ENPP3: variants seen among roughly 807,000 people sequenced by gnomAD.
ENPP3 encodes the protein ectonucleotide pyrophosphatase/phosphodiesterase family member 3.
Under a neutral mutation model 117.8 loss-of-function variants are expected in ENPP3, and 104 were observed. The ratio of observed to expected loss-of-function variants is 0.88; its 90% confidence interval spans 0.75 to 1.04. The LOEUF (loss-of-function observed/expected upper bound fraction) is 1.04, where lower values mean the gene tolerates loss of function less well. Ranked by LOEUF, ENPP3 falls within the 50% of genes least tolerant of loss-of-function variation. The probability of loss-of-function intolerance (pLI) is 0.00; values close to 1 mark genes in which losing one functional copy is unlikely to be tolerated. For synonymous variants in ENPP3, 380 were observed against 349.9 expected (o/e 1.09, Z -0.96); for missense variants, 1,026 against 1,051.9 (o/e 0.98, Z 0.34).
intron 11 of ENPP3, among the ~76,000 whole-genome samples, chr6:131,678,957 C>CTTTCTTTCTTTCTTTA (rs1562446582): frequency 1.9e-5 from 2 of 103,040 alleles, no homozygotes; most frequent in Non-Finnish European, 3.5e-5. Flanking sequence ...TTCTTTCTTT[C>CTTTCTTTCTTTCTTTA]TTTCCTTCCT....
intron 15 of ENPP3, among the ~76,000 whole-genome samples, chr6:131,715,544 G>A (rs915486089): frequency 6.9e-6 from 1 of 145,918 alleles, no homozygotes; most frequent in African/African-American, 2.7e-5. Flanking sequence ...AGATTTCCAG[G>A]TATTTGGAGC....
chr6:131,638,443 T>G, intron 1 of ENPP3: 1 of 438,850 alleles, frequency 2.3e-6, no homozygotes, highest in Non-Finnish European at 4.5e-6. Flanking sequence ...ATTTTATTTT[T>G]GAGACAGGGT....
chr6:131,685,212 C>T, intron 12 of ENPP3, 152 bp from the exon 13 acceptor site: 3 of 661,104 alleles, frequency 4.5e-6, no homozygotes, highest in South Asian at 2.0e-5. Context: ...CAATTTTCTG[C>T]CAGAGTAGAG....
chr6:131,686,015 T>C, intron 14 of ENPP3, 108 bp downstream of exon 14: 1 of 487,518 alleles, frequency 2.1e-6, no homozygotes, highest in African/African-American at 2.0e-5. Context: ...CTACTTGGAA[T>C]TTATTTCTAA....
intron 6 of ENPP3, among the ~76,000 whole-genome samples, chr6:131,663,213 T>TA (rs1380737230): frequency 2.0e-4 from 31 of 152,054 alleles, no homozygotes; most frequent in Admixed American, 1.3e-3. Flanking sequence ...CTTGCTTTGT[T>TA]ACTGATCTTA....
At chr6:131,710,130 T>G in intron 15 of ENPP3, 6 of 1,614,012 alleles carry the variant, frequency 3.7e-6, no homozygotes, top group Non-Finnish European at 2.5e-6. Context: ...GACTGTTCAC[T>G]TTTAATTCCA....
At chr6:131,701,813 C>T (rs1176015792) in intron 15 of ENPP3, among the ~76,000 whole-genome samples, 1 of 147,100 alleles carries the variant, frequency 6.8e-6, no homozygotes, top group African/African-American at 2.6e-5. Context: ...TCCCAGGAGG[C>T]GGAGCTTGCA....
At chr6:131,678,145 A>C (rs773911576) in intron 11 of ENPP3, among the ~76,000 whole-genome samples, 12 of 152,224 alleles carry the variant, frequency 7.9e-5, no homozygotes, top group Non-Finnish European at 1.0e-4. Flanking sequence ...TCTAGAAAGG[A>C]CAACTGCCTT....
In ENPP3 at chr6:131,637,459, C is replaced by T. The variant is rs552534920; in HGVS notation, c.75C>T (p.Cys25=). 2 of 1,527,124 alleles carry T rather than the reference C, an allele frequency of 1.3e-6. No homozygotes were observed. Among genetic ancestry groups the T allele is most frequent in the South Asian group, 1.2e-5 (1 of 83,876 alleles). The allele number at this position is 1,527,124 out of a possible 1,614,324, so 94.6% of individuals were successfully genotyped here. ...CTCTTAAGAAATATAAAATAGCTTGCATTGTAAGTACAATTCTTATTTTTA... is the reference window on the plus strand; with the variant it reads ...CTCTTAAGAAATATAAAATAGCTTGTATTGTAAGTACAATTCTTATTTTTA... The part of the protein sequence containing the change: ...KNTLKKYKIA[C]IVLLALLVIM... Residue 25 remains cysteine (C), a synonymous_variant, in exon 1 of 25, where the codon TGC becomes TGT. Transcript: ENST00000357639.
chr6:131,740,075 T>C, intron 23 of ENPP3, 149 bp from the exon 24 acceptor site: 1 of 545,634 alleles, frequency 1.8e-6, no homozygotes, highest in Non-Finnish European at 2.9e-6. Flanking sequence ...ATTTAAAAAG[T>C]ACCTAGCATA....
At chr6:131,739,420 G>A (rs907762956) in intron 23 of ENPP3, among the ~76,000 whole-genome samples, 10 of 152,068 alleles carry the variant, frequency 6.6e-5, no homozygotes, top group Admixed American at 1.3e-4. Flanking sequence ...CTCGAAACTC[G>A]GTAAATGACA....
At chr6:131,716,882 A>G (rs1021002976) in intron 15 of ENPP3, among the ~76,000 whole-genome samples, 2 of 150,386 alleles carry the variant, frequency 1.3e-5, no homozygotes, top group Non-Finnish European at 3.0e-5. Context: ...GAGGCAGGAG[A>G]ATCGCTTGAA....
At chr6:131,640,381 A>T (rs1471852332) in intron 1 of ENPP3, among the ~76,000 whole-genome samples, 1 of 152,192 alleles carries the variant, frequency 6.6e-6, no homozygotes, top group African/African-American at 2.4e-5. Context: ...CTCTCCACTG[A>T]ATGAACATGT....
intron 11 of ENPP3, among the ~76,000 whole-genome samples, chr6:131,681,762 G>C (rs1779028281): frequency 6.6e-6 from 1 of 152,100 alleles, no homozygotes. Context: ...ACAAAATCAG[G>C]ATTATGCAAT....
Position 131,746,796 on chromosome 6 carries a change from C to T in ENPP3, c.2468C>T (p.Pro823Leu), listed in dbSNP as rs753315974. 1.3e-6 allele frequency: 2 copies of T among 1,599,832 alleles called. No individual in the cohort carries two copies. Among genetic ancestry groups the T allele is most frequent in the African/African-American group, 2.7e-5 (2 of 73,986 alleles). Residue 823 changes from proline to leucine, a missense_variant, in exon 25 of 25, where the codon CCA becomes CTA. Pro to Leu is a moderately conservative substitution (Grantham distance 98). Transcript: ENST00000357639. ...TNVESCPEGKPEALWVEERFT... is the reference protein window; with the variant it reads ...TNVESCPEGKLEALWVEERFT... ...GCTTTTCTTTTTCAGGAAGGTAAACCAGAAGCTCTTTGGGTTGAAGAAAGA... is the reference window on the plus strand; with the variant it reads ...GCTTTTCTTTTTCAGGAAGGTAAACTAGAAGCTCTTTGGGTTGAAGAAAGA...
chr6:131,670,395 T>C (rs1196951735), intron 6 of ENPP3, among the ~76,000 whole-genome samples: 1 of 152,250 alleles, frequency 6.6e-6, no homozygotes, highest in Non-Finnish European at 1.5e-5. Context: ...GTCAACAGGC[T>C]GTGGCCCATA....
At chr6:131,724,263 A>T (rs1780103755) in intron 19 of ENPP3, among the ~76,000 whole-genome samples, 172 bp downstream of exon 19, 1 of 151,018 alleles carries the variant, frequency 6.6e-6, no homozygotes, top group African/African-American at 2.5e-5. Context: ...TAATGACAAC[A>T]GTACAAGCAT....
At chr6:131,693,065 A>T (rs1249407859) in intron 14 of ENPP3, among the ~76,000 whole-genome samples, 3 of 145,904 alleles carry the variant, frequency 2.1e-5, no homozygotes, top group Non-Finnish European at 4.5e-5. Flanking sequence ...TTTATATATT[A>T]TATATTATAT....
chr6:131,701,014 G>A (rs1779514950), intron 15 of ENPP3: 3 of 548,450 alleles, frequency 5.5e-6, no homozygotes, highest in South Asian at 4.1e-5. Flanking sequence ...GCCAAATATC[G>A]GAGGGGGTGG....
Sources: allele counts gnomAD v4.1 joint callset (sites outside exome capture counted in the v4.1 genomes callset), GRCh38; gene constraint gnomAD v4.1.1; transcripts MANE v1.5; gene names NCBI Gene and HGNC (gene_info 2026-07-23, HGNC 2026-07-21).